CPNE8: variants seen among roughly 807,000 people sequenced by gnomAD.
CPNE8 encodes the protein copine-8.
CPNE8 carries 45 observed loss-of-function variants against 81.5 expected under a neutral mutation model. The observed-to-expected ratio is 0.55, with a 90% CI of 0.44 to 0.71. CPNE8 has a LOEUF of 0.71. Among genes scored for constraint, CPNE8 ranks in the 30% least tolerant of loss-of-function variants. The pLI is 0.00. For missense variants in CPNE8, 594 were observed against 672.1 expected, an observed-to-expected ratio of 0.88 and a Z score of 1.28; for synonymous variants, 252 against 226.3, an observed-to-expected ratio of 1.11 and a Z score of -1.02.
In CPNE8 at chr12:38,677,549, G is replaced by A; in HGVS notation, c.1277C>T (p.Ala426Val). ...APVINHVARY[A>V]SSVKDGSQYF... is the part of the protein sequence containing the mutation. ...CTGGGAGCCATCCTTTACAGAAGAA[G>A]CATATCTGAAAGGCAACGAAAAGGT... Residue 426 changes from alanine (A) to valine (V), a missense_variant, in exon 17 of 20, where the codon GCT (alanine) becomes GTT (valine). By Grantham distance (64) the Ala-to-Val change is moderately conservative. Transcript: ENST00000331366. 6.2e-7 allele frequency: 1 copy of A among 1,602,228 alleles called. No homozygotes were observed. The highest frequency in any genetic ancestry group is 8.5e-7 in the Non-Finnish European group (1 of 1,170,140).
chr12:38,737,146 C>T (rs762175465), intron 10 of CPNE8, among the ~76,000 whole-genome samples: 1 of 151,248 alleles, frequency 6.6e-6, no homozygotes, highest in Admixed American at 6.6e-5. Context: ...CAATAATTAT[C>T]ATTATTATAC....
intron 1 of CPNE8, among the ~76,000 whole-genome samples, chr12:38,886,197 C>T (rs1353602074): frequency 1.3e-5 from 2 of 152,186 alleles, no homozygotes; most frequent in African/African-American, 4.8e-5. Flanking sequence ...TGGCAGGGTG[C>T]CACCTCTGAA....
At chr12:38,861,377 T>C (rs1223585963) in intron 3 of CPNE8, among the ~76,000 whole-genome samples, 3 of 151,832 alleles carry the variant, frequency 2.0e-5, no homozygotes, top group Non-Finnish European at 2.9e-5. Context: ...CTTATCACAA[T>C]AAAAAATAAA....
chr12:38,824,844 C>A (rs1046084073), intron 6 of CPNE8, among the ~76,000 whole-genome samples: 8 of 152,118 alleles, frequency 5.3e-5, no homozygotes, highest in African/African-American at 1.9e-4. Context: ...GGGAAAATCA[C>A]CTAACCTCTC....
At chr12:38,898,244 A>C (rs1189404299) in intron 1 of CPNE8, among the ~76,000 whole-genome samples, 2 of 152,122 alleles carry the variant, frequency 1.3e-5, no homozygotes, top group Admixed American at 1.3e-4. Flanking sequence ...TCAGGCCCCA[A>C]ATGCTAAAAA....
At chr12:38,763,492 C>A (rs1018206804) in intron 8 of CPNE8, among the ~76,000 whole-genome samples, 1 of 152,160 alleles carries the variant, frequency 6.6e-6, no homozygotes, top group Admixed American at 6.5e-5. Context: ...TATAGAAAGA[C>A]CATTTAGTGT....
At chr12:38,788,244 C>T (rs1942241807) in intron 6 of CPNE8, among the ~76,000 whole-genome samples, 1 of 151,794 alleles carries the variant, frequency 6.6e-6, no homozygotes, top group Non-Finnish European at 1.5e-5. Context: ...TTCAACAATA[C>T]ATTAAGAAGA....
chr12:38,679,883 CA>C (rs1939372705), intron 16 of CPNE8, among the ~76,000 whole-genome samples: 1 of 151,706 alleles, frequency 6.6e-6, no homozygotes, highest in Non-Finnish European at 1.5e-5. Flanking sequence ...AAGCTGGCCA[CA>C]CCTCAATACT....
At chr12:38,723,695 G>A in intron 13 of CPNE8, 77 bp downstream of exon 13, 1 of 840,496 alleles carries the variant, frequency 1.2e-6, no homozygotes, top group Non-Finnish European at 2.0e-6. Flanking sequence ...TTCAGTGCCA[G>A]GTACCTCGTG....
At chr12:38,860,060 G>A (rs1346854210) in intron 3 of CPNE8, among the ~76,000 whole-genome samples, 1 of 151,990 alleles carries the variant, frequency 6.6e-6, no homozygotes, top group East Asian at 1.9e-4. Context: ...AATTAGGTGG[G>A]ATTAACTCAA....
At chr12:38,777,442 G>T (rs959198649) in intron 6 of CPNE8, among the ~76,000 whole-genome samples, 1 of 151,918 alleles carries the variant, frequency 6.6e-6, no homozygotes, top group African/African-American at 2.4e-5. Context: ...GTAAGTTAAG[G>T]TTAATTTATT....
intron 3 of CPNE8, among the ~76,000 whole-genome samples, chr12:38,855,403 C>G (rs1333218024): frequency 3.3e-5 from 5 of 151,890 alleles, no homozygotes; most frequent in African/African-American, 4.8e-5. Flanking sequence ...ACAAAAGATC[C>G]CATATAGCCA....
At chr12:38,730,205 C>A (rs1940798733) in intron 11 of CPNE8, 78 bp downstream of exon 11, 15 of 890,054 alleles carry the variant, frequency 1.7e-5, no homozygotes, top group Non-Finnish European at 2.6e-5. Flanking sequence ...GGCAATTATG[C>A]TTTGCAGAAT....
intron 1 of CPNE8, among the ~76,000 whole-genome samples, chr12:38,877,145 ACTT>A (rs1226911250): frequency 6.6e-6 from 1 of 152,158 alleles, no homozygotes; most frequent in Non-Finnish European, 1.5e-5. Context: ...AATCCAGAAG[ACTT>A]CTTATTTTCT....
intron 19 of CPNE8, among the ~76,000 whole-genome samples, chr12:38,665,412 C>T (rs1481189867): frequency 2.6e-5 from 4 of 152,126 alleles, no homozygotes; most frequent in Non-Finnish European, 5.9e-5. Flanking sequence ...GTATGGTATA[C>T]TTGTTACTCT....
chr12:38,785,294 C>T (rs1942155429), intron 6 of CPNE8, among the ~76,000 whole-genome samples: 1 of 151,366 alleles, frequency 6.6e-6, no homozygotes, highest in African/African-American at 2.4e-5. Context: ...TATTATAACA[C>T]TATAACTGTG....
At chr12:38,753,532 T>G (rs2136828971) in intron 10 of CPNE8, among the ~76,000 whole-genome samples, 1 of 152,282 alleles carries the variant, frequency 6.6e-6, no homozygotes, top group South Asian at 2.1e-4. Flanking sequence ...ATTACTGAAG[T>G]AACATAGCAA....
intron 16 of CPNE8, among the ~76,000 whole-genome samples, chr12:38,683,971 C>T (rs1449931596): frequency 6.6e-6 from 1 of 152,008 alleles, no homozygotes; most frequent in Non-Finnish European, 1.5e-5. Flanking sequence ...TTAACTTTTA[C>T]TATAAATATA....
intron 5 of CPNE8, among the ~76,000 whole-genome samples, chr12:38,831,971 TA>T (rs1392820862): frequency 6.6e-6 from 1 of 152,166 alleles, no homozygotes; most frequent in Non-Finnish European, 1.5e-5. Context: ...GAATAAAACA[TA>T]AATATTGAGC....
Sources: allele counts gnomAD v4.1 joint callset (sites outside exome capture counted in the v4.1 genomes callset), GRCh38; gene constraint gnomAD v4.1.1; transcripts MANE v1.5; gene names NCBI Gene and HGNC (gene_info 2026-07-23, HGNC 2026-07-21).